The following STIL variants were observed in gnomAD, a reference collection of about 807,000 sequenced individuals.
STIL encodes the protein SCL-interrupting locus protein.
STIL carries 55 observed loss-of-function variants against 110.1 expected under a neutral mutation model. That is an observed-to-expected ratio of 0.50 (90% confidence interval 0.40 to 0.63). STIL has a LOEUF of 0.63. Among genes scored for constraint, STIL ranks in the 20% least tolerant of loss-of-function variants. STIL has a pLI of 0.00. For missense variants in STIL, 1,358 were observed against 1,530.0 expected (o/e 0.89, Z 1.87); for synonymous variants, 481 against 530.0 (o/e 0.91, Z 1.27).
chr1:47,260,440 C>T lies in STIL; in HGVS notation c.2929G>A (p.Val977Ile), dbSNP rs951328418. The change falls in exon 16 of 17, where the codon GTT becomes ATT. Residue 977 changes from valine to isoleucine, a missense_variant. Coordinates refer to ENST00000371877, the MANE Select transcript of STIL (RefSeq NM_001048166.1). ...ISHECTRTQN[V>I]YHTKKKTHHS... Reference sequence around the variant, plus strand: ...TGTGTTTTTTTCTTTGTATGGTAAACGTTTTGGGTTCTGGTGCATTCATGA... The same window carrying T: ...TGTGTTTTTTTCTTTGTATGGTAAATGTTTTGGGTTCTGGTGCATTCATGA... 2.5e-6 allele frequency: 4 copies of T among 1,614,076 alleles called. No homozygotes were observed. The highest frequency in any genetic ancestry group is 3.4e-6 in the Non-Finnish European group (4 of 1,180,020).
chr1:47,283,714 T>TATA (rs1438068245), intron 10 of STIL: 6 of 152,206 alleles, frequency 3.9e-5, no homozygotes, highest in African/African-American at 1.4e-4. Context: ...ATTTGGTGTC[T>TATA]ATAATTCAGT....
chr1:47,288,072 T>C (rs1570196021), intron 9 of STIL, among the ~76,000 whole-genome samples: 1 of 148,134 alleles, frequency 6.8e-6, no homozygotes, highest in East Asian at 1.9e-4. Context: ...TATTATAATA[T>C]TAAAATATAT....
intron 2 of STIL, among the ~76,000 whole-genome samples, chr1:47,308,451 T>C (rs1245505974): frequency 6.6e-6 from 1 of 151,630 alleles, no homozygotes; most frequent in Non-Finnish European, 1.5e-5. Context: ...TAAATTCCTG[T>C]CATTTGCAAC....
At chr1:47,292,709 G>A (rs948281163) in intron 8 of STIL, among the ~76,000 whole-genome samples, 26 of 152,328 alleles carry the variant, frequency 1.7e-4, no homozygotes, top group African/African-American at 5.3e-4. Flanking sequence ...ACTATTTCAG[G>A]AAGGAAGCAC....
intron 12 of STIL, among the ~76,000 whole-genome samples, chr1:47,279,021 G>A (rs1393098182): frequency 1.3e-5 from 2 of 152,002 alleles, no homozygotes; most frequent in East Asian, 3.9e-4. Flanking sequence ...TGTATGGCCG[G>A]GCGCGGAGGC....
Position 47,281,217 on chromosome 1 carries a change from TAAG to T in STIL, c.1249-11_1249-9del. On this transcript the variant is annotated splice_polypyrimidine_tract_variant and intron_variant, in intron 11 of 16. Transcript: ENST00000371877. Reference sequence around the variant, plus strand: ...TGGTTGGATCTTAGAAATCTACAAATAAGAAAGAAATAGAAAAAAAAAGTATTT... The same window carrying T: ...TGGTTGGATCTTAGAAATCTACAAATAAAGAAATAGAAAAAAAAAGTATTT... 1 of 1,608,882 alleles carries T rather than the reference TAAG, an allele frequency of 6.2e-7. No homozygotes were observed. Among genetic ancestry groups the T allele is most frequent in the Non-Finnish European group, 8.5e-7 (1 of 1,178,510 alleles).
chr1:47,284,760 C>T (rs1018004336), intron 10 of STIL, among the ~76,000 whole-genome samples: 3 of 151,982 alleles, frequency 2.0e-5, no homozygotes, highest in African/African-American at 4.8e-5. Flanking sequence ...CGTGGTGATG[C>T]ACACCTGTAA....
At chr1:47,263,245 C>G in intron 14 of STIL, 129 bp from the exon 15 acceptor site, 1 of 842,738 alleles carries the variant, frequency 1.2e-6, no homozygotes, top group Non-Finnish European at 1.9e-6. Context: ...AGTGATGATG[C>G]TACATAAACA....
intron 6 of STIL, among the ~76,000 whole-genome samples, chr1:47,297,800 A>G (rs888381551): frequency 6.6e-6 from 1 of 152,166 alleles, no homozygotes; most frequent in African/African-American, 2.4e-5. Context: ...GGAAGTGGCA[A>G]GGAGAATAGG....
At chr1:47,267,891 G>A (rs2821095) in intron 14 of STIL, among the ~76,000 whole-genome samples, 3,575 of 152,040 alleles carry the variant, frequency 0.024, 138 homozygotes, top group East Asian at 0.19. Flanking sequence ...AAGAGTCACT[G>A]AGCCTAGCCT....
chr1:47,313,036 G>A (rs1646180614), intron 1 of STIL: 2 of 152,130 alleles, frequency 1.3e-5, no homozygotes, highest in Admixed American at 6.6e-5. Flanking sequence ...AAAAGTCAAT[G>A]GCTCATGTCA....
chr1:47,282,483 G>GA (rs762738248), intron 10 of STIL, 24 bp from the exon 11 acceptor site: 1 of 1,440,852 alleles, frequency 6.9e-7, no homozygotes, highest in Admixed American at 1.7e-5. Flanking sequence ...GGGGAGACCA[G>GA]AAAAGCCTTT....
In STIL at chr1:47,308,920, C is replaced by T. The variant is rs190009803; in HGVS notation, c.44+1356G>A. Among the ~76,000 whole-genome samples, 341 of 151,894 alleles carry T rather than the reference C, an allele frequency of 2.2e-3. 1 individual carries two copies. Among genetic ancestry groups the T allele is most frequent in the African/African-American group, 7.7e-3 (321 of 41,442 alleles). On this transcript the variant is annotated intron_variant, in intron 2 of 16. Transcript: ENST00000371877. ...AATACAAGTTAGCTGGGCATGGTGG[C>T]GCACGCCTGTAATCCCAGCTACTCG... is the stretch of plus-strand genomic sequence containing the variant.
At position 47,280,436 on chromosome 1, in the gene STIL, A is replaced by G. The variant is rs1645123990; in HGVS notation, c.2022T>C (p.Cys674=). ...ATGGTTCAATATTGCTGTGGGGAGA[A>G]CAACTGCCCATATCTCCCTGAGGTC... is the stretch of plus-strand genomic sequence containing the variant. ...ALRPQGDMGS[C]SPHSNIEPSP... The change falls in exon 12 of 17, where the codon TGT becomes TGC. Residue 674 remains cysteine (C), a synonymous_variant. Transcript: ENST00000371877. The G allele has an allele frequency of 6.2e-7, 1 of 1,614,042 alleles. No individual in the cohort carries two copies. Among genetic ancestry groups the G allele is most frequent in the African/African-American group, 1.3e-5 (1 of 74,942 alleles).
intron 3 of STIL, among the ~76,000 whole-genome samples, chr1:47,303,458 G>A (rs1237109791): frequency 6.6e-5 from 10 of 152,246 alleles, no homozygotes; most frequent in Non-Finnish European, 1.5e-5. Context: ...CGAGCTACTT[G>A]GGAGGCTGAG....
chr1:47,294,229 T>C (rs905560136), intron 7 of STIL, among the ~76,000 whole-genome samples: 1 of 152,194 alleles, frequency 6.6e-6, no homozygotes, highest in Non-Finnish European at 1.5e-5. Context: ...CTATCATATC[T>C]TTCTTACAAA....
intron 14 of STIL, among the ~76,000 whole-genome samples, chr1:47,268,050 GAATT>G (rs200384182): frequency 0.024 from 3,719 of 152,278 alleles, 62 homozygotes; most frequent in Non-Finnish European, 0.035. Flanking sequence ...TTCTCCCACA[GAATT>G]AATTTGAAGC....
chr1:47,288,553 T>C (rs1645375221), intron 9 of STIL, among the ~76,000 whole-genome samples: 2 of 152,002 alleles, frequency 1.3e-5, no homozygotes, highest in Admixed American at 6.6e-5. Flanking sequence ...CACCTCGGCC[T>C]CCCAAAGTGC....
intron 2 of STIL, among the ~76,000 whole-genome samples, chr1:47,306,991 G>T (rs1458386946): frequency 6.6e-6 from 1 of 152,008 alleles, no homozygotes; most frequent in East Asian, 1.9e-4. Context: ...ATCTCCACTA[G>T]AAATACAAAA....
Sources: allele counts gnomAD v4.1 joint callset (sites outside exome capture counted in the v4.1 genomes callset), GRCh38; gene constraint gnomAD v4.1.1; transcripts MANE v1.5; gene names NCBI Gene and HGNC (gene_info 2026-07-23, HGNC 2026-07-21).